Variants in RBFOX1 observed in about 807,000 individuals in gnomAD.
RBFOX1 encodes the protein RNA binding protein fox-1 homolog 1.
RBFOX1 carries 8 observed loss-of-function variants against 57.7 expected under a neutral mutation model. That is an observed-to-expected ratio of 0.14 (90% CI 0.08 to 0.25). The LOEUF is 0.25. Ranked by LOEUF, RBFOX1 falls within the 10% of genes least tolerant of loss-of-function variation. The pLI is 1.00. For missense variants in RBFOX1, 611 were observed against 548.5 expected (o/e 1.11, Z -1.14); for synonymous variants, 326 against 222.4 (o/e 1.47, Z -4.15).
At chr16:5,845,807 G>T (rs940944193) in intron 3 of RBFOX1, among the ~76,000 whole-genome samples, 3 of 152,254 alleles carry the variant, frequency 2.0e-5, no homozygotes, top group East Asian at 1.9e-4. Context: ...ATCGCAGAGA[G>T]GTCCCTCAGA....
At chr16:7,246,969 C>G (rs142667783) in intron 4 of RBFOX1, among the ~76,000 whole-genome samples, 7 of 152,218 alleles carry the variant, frequency 4.6e-5, no homozygotes, top group Non-Finnish European at 7.4e-5. Flanking sequence ...CATTAGGATA[C>G]CCTATGTATT....
At chr16:6,607,875 CTT>C (rs2097965568) in intron 2 of RBFOX1, among the ~76,000 whole-genome samples, 1 of 152,150 alleles carries the variant, frequency 6.6e-6, no homozygotes. Flanking sequence ...TTAAAATTCT[CTT>C]TGTCCACAAA....
intron 4 of RBFOX1, among the ~76,000 whole-genome samples, chr16:7,166,185 TG>T (rs1380329263): frequency 5.3e-5 from 8 of 152,122 alleles, no homozygotes; most frequent in African/African-American, 1.7e-4. Flanking sequence ...AGCTAATTTT[TG>T]TATTGTCAGT....
chr16:6,468,881 C>T (rs1320175997), intron 2 of RBFOX1, among the ~76,000 whole-genome samples: 2 of 152,154 alleles, frequency 1.3e-5, no homozygotes, highest in African/African-American at 2.4e-5. Flanking sequence ...ATTATTTCAT[C>T]ACCCAGGTAT....
intron 4 of RBFOX1, among the ~76,000 whole-genome samples, chr16:7,054,432 G>T (rs544435582): frequency 2.6e-5 from 4 of 151,232 alleles, no homozygotes; most frequent in East Asian, 2.0e-4. Flanking sequence ...TAGCAGAGAT[G>T]GGGTTTCACC....
chr16:7,467,743 T>C (rs550903014), intron 4 of RBFOX1, among the ~76,000 whole-genome samples: 21 of 152,226 alleles, frequency 1.4e-4, no homozygotes, highest in Non-Finnish European at 2.6e-4. Context: ...CTTCCCATGG[T>C]GCACATGCAA....
intron 1 of RBFOX1, among the ~76,000 whole-genome samples, chr16:5,320,233 A>C (rs1411227552): frequency 6.6e-6 from 1 of 152,252 alleles, no homozygotes; most frequent in Non-Finnish European, 1.5e-5. Flanking sequence ...AGAAGGGCTT[A>C]TGGGAGAAAT....
At chr16:6,358,929 G>C (rs1385852102) in intron 2 of RBFOX1, among the ~76,000 whole-genome samples, 4 of 152,236 alleles carry the variant, frequency 2.6e-5, no homozygotes, top group Non-Finnish European at 4.4e-5. Flanking sequence ...TAGCAAAGCT[G>C]AGATTCTGGC....
At chr16:6,103,577 A>G (rs2096341183) in intron 1 of RBFOX1, among the ~76,000 whole-genome samples, 2 of 152,100 alleles carry the variant, frequency 1.3e-5, no homozygotes, top group South Asian at 2.1e-4. Flanking sequence ...AGTGATAACA[A>G]GCAGATTCAG....
intron 5 of RBFOX1, among the ~76,000 whole-genome samples, chr16:7,567,681 A>G (rs1008912758): frequency 1.4e-5 from 2 of 140,062 alleles, no homozygotes; most frequent in Admixed American, 7.4e-5. Context: ...ATATGGCCCT[A>G]TATAGATATA....
intron 4 of RBFOX1, among the ~76,000 whole-genome samples, chr16:5,956,670 A>ATTTTTT (rs1303621980): frequency 1.3e-3 from 61 of 45,810 alleles, no homozygotes; most frequent in East Asian, 0.011. Context: ...ATATATATAT[A>ATTTTTT]TATATATATT....
intron 4 of RBFOX1, among the ~76,000 whole-genome samples, chr16:7,270,145 G>T (rs77722317): frequency 3.3e-5 from 5 of 152,226 alleles, no homozygotes; most frequent in Admixed American, 6.5e-5. Flanking sequence ...TGGGAACCCA[G>T]TGTAGGCAAT....
intron 2 of RBFOX1, among the ~76,000 whole-genome samples, chr16:6,550,145 T>C (rs1334196287): frequency 6.6e-6 from 1 of 152,058 alleles, no homozygotes; most frequent in Non-Finnish European, 1.5e-5. Flanking sequence ...CTCCCCTCTC[T>C]CTATCTCTCA....
chr16:5,827,912 TCCATCCAC>T (rs1194689092), intron 3 of RBFOX1, among the ~76,000 whole-genome samples: 8 of 130,540 alleles, frequency 6.1e-5, no homozygotes, highest in South Asian at 4.8e-4. Flanking sequence ...CATCCATCCA[TCCATCCAC>T]CCATCCACCC....
intron 4 of RBFOX1, among the ~76,000 whole-genome samples, chr16:5,925,909 A>C (rs796093463): frequency 2.0e-5 from 3 of 152,178 alleles, no homozygotes; most frequent in African/African-American, 7.2e-5. Context: ...TCTAAACCTG[A>C]TGGGCCAAGC....
intron 2 of RBFOX1, among the ~76,000 whole-genome samples, chr16:6,612,849 CAA>C (rs539098192): frequency 9.7e-6 from 1 of 103,092 alleles, no homozygotes; most frequent in African/African-American, 3.3e-5. Flanking sequence ...GACTCTCTCT[CAA>C]AAAAAAAAAA....
In RBFOX1 at chr16:6,808,160, A is replaced by ATGTGTGTGTGTGTGTG. The variant is rs373756020; in HGVS notation, c.-16+153514_-16+153529dup. Among the ~76,000 whole-genome samples, 681 of 140,062 alleles carry ATGTGTGTGTGTGTGTG rather than the reference A, an allele frequency of 4.9e-3. 5 individuals carry two copies. The highest frequency in any genetic ancestry group is 0.017 in the African/African-American group (623 of 36,526). 91.9% of individuals were successfully genotyped at this position (140,062 alleles called of 152,430 possible). A position where few individuals can be genotyped will look rare whatever the true frequency, so the allele number is the denominator to read the frequency against. On this transcript the variant is annotated intron_variant, in intron 3 of 15. Coordinates refer to ENST00000550418, the MANE Select transcript of RBFOX1 (RefSeq NM_018723.4). ...ATAATATGCATATTATACCTTATATATGTGTGTGTGTGTGTGTGTATATAT... is the reference window on the plus strand; with the variant it reads ...ATAATATGCATATTATACCTTATATATGTGTGTGTGTGTGTGTGTGTGTGTGTGTGTGTGTATATAT...
At position 7,176,198 on chromosome 16, in the gene RBFOX1, G is replaced by A. The variant is rs140236377; in HGVS notation, c.27+124100G>A. ...CTTAACTGTGTTAGCTTTGGTTAAT[G>A]AAACTGTAAAATGAGATTAATAATA... On this transcript the variant is annotated intron_variant, in intron 4 of 15. Coordinates refer to ENST00000550418, the MANE Select transcript of RBFOX1 (RefSeq NM_018723.4). Among the ~76,000 whole-genome samples, 228 of 112,926 alleles carry A rather than the reference G, an allele frequency of 2.0e-3. 6 individuals carry two copies. Among genetic ancestry groups the A allele is most frequent in the African/African-American group, 8.6e-3 (218 of 25,210 alleles). 74.1% of individuals were successfully genotyped at this position (112,926 alleles called of 152,430 possible).
At chr16:5,678,170 C>T (rs1256513787) in intron 3 of RBFOX1, among the ~76,000 whole-genome samples, 4 of 152,174 alleles carry the variant, frequency 2.6e-5, no homozygotes, top group Non-Finnish European at 5.9e-5. Context: ...CTGATGCTTC[C>T]TTCTGGGACA....
Sources: gnomAD v4.1 joint callset for allele counts (sites outside exome capture counted in the v4.1 genomes callset) on GRCh38, gnomAD v4.1.1 for gene constraint, MANE v1.5 for transcripts, NCBI Gene and HGNC (gene_info 2026-07-23, HGNC 2026-07-21) for gene names.